Variants in CRYBG3 observed in about 807,000 individuals in gnomAD.
CRYBG3 encodes the protein crystallin beta-gamma domain containing 3.
Under a neutral mutation model 244.2 loss-of-function variants are expected in CRYBG3, and 127 were observed. The ratio of observed to expected loss-of-function variants is 0.52; its 90% confidence interval spans 0.45 to 0.60. CRYBG3 has a LOEUF of 0.60. Among genes scored for constraint, CRYBG3 ranks in the 20% least tolerant of loss-of-function variants. CRYBG3 has a pLI of 0.00. For synonymous variants in CRYBG3, 1,132 were observed against 1,195.8 expected (o/e 0.95, Z 1.10); for missense variants, 3,325 against 3,442.5 (o/e 0.97, Z 0.85).
At chr3:97,895,869 C>A in intron 11 of CRYBG3, 90 bp from the exon 12 acceptor site, 3 of 1,159,654 alleles carry the variant, frequency 2.6e-6, no homozygotes, top group African/African-American at 1.5e-5. Flanking sequence ...TGGAGATGAA[C>A]CACTATGAGC....
In CRYBG3 at chr3:97,933,827, G is replaced by A. The variant is rs2040125984; in HGVS notation, c.8375G>A (p.Ser2792Asn). 8 of 1,612,026 alleles carry A rather than the reference G, an allele frequency of 5.0e-6. No individual in the cohort carries two copies. Among genetic ancestry groups the A allele is most frequent in the Non-Finnish European group, 6.8e-6 (8 of 1,178,720 alleles). ...HFYTQSVWVKSGLWIAYEGSN... is the reference protein window; with the variant it reads ...HFYTQSVWVKNGLWIAYEGSN... ...TACACCCAGTCTGTGTGGGTAAAAA[G>A]TGGACTGTAAGTATGGGAAAAAGGC... The change falls in exon 18 of 22, where the codon AGT becomes AAT. Residue 2792 changes from serine to asparagine, a missense_variant. Ser to Asn is a conservative substitution (Grantham distance 46, BLOSUM62 1). Coordinates refer to ENST00000389622, the MANE Select transcript of CRYBG3 (RefSeq NM_153605.4).
chr3:97,876,220 GA>G lies in CRYBG3; in HGVS notation c.5028del (p.Asp1678IlefsTer8). 8.1e-7 allele frequency: 1 copy of G among 1,232,090 alleles called. No individual in the cohort carries two copies. Among genetic ancestry groups the G allele is most frequent in the Admixed American group, 4.2e-5 (1 of 23,716 alleles). The allele number at this position is 1,232,090 out of a possible 1,614,324, so 76.3% of individuals were successfully genotyped here. ...DMENIYQTHAEGDIGKTGTIA... is the reference protein window; with the variant it reads ...DMENIYQTHAXGDIGKTGTIA... ...GGAAAATATTTACCAAACGCATGCTGAAGGGGATATTGGCAAGACTGGGACG... is the reference window on the plus strand; with the variant it reads ...GGAAAATATTTACCAAACGCATGCTGAGGGGATATTGGCAAGACTGGGACG... On this transcript the variant is annotated frameshift_variant, in exon 4 of 22. Coordinates refer to ENST00000389622, the MANE Select transcript of CRYBG3 (RefSeq NM_153605.4). LOFTEE classifies it high-confidence loss of function.
chr3:97,876,511 T>G lies in CRYBG3; in HGVS notation c.5317T>G (p.Phe1773Val). 1 of 1,232,068 alleles carries G rather than the reference T, an allele frequency of 8.1e-7. No homozygotes were observed. Among genetic ancestry groups the G allele is most frequent in the Non-Finnish European group, 1.0e-6 (1 of 987,972 alleles). 76.3% of individuals were successfully genotyped at this position (1,232,068 alleles called of 1,614,324 possible). ...VNTYQKNAKG[F>V]TGNTEGSVLK... ...TACTTACCAAAAAAATGCCAAAGGT[T>G]TTACCGGGAACACTGAAGGGTCTGT... The change falls in exon 4 of 22, where the codon TTT (phenylalanine) becomes GTT (valine). Residue 1773 changes from phenylalanine (F) to valine (V), a missense_variant. Phe to Val is a conservative substitution (Grantham distance 50). Transcript: ENST00000389622.
intron 1 of CRYBG3, among the ~76,000 whole-genome samples, chr3:97,826,265 A>AT (rs1285892316): frequency 6.6e-6 from 1 of 152,086 alleles, no homozygotes; most frequent in Non-Finnish European, 1.5e-5. Context: ...TGGGAATTCT[A>AT]TTTTTTGCTG....
At chr3:97,943,147 A>G in intron 21 of CRYBG3, 79 bp from the exon 22 acceptor site, 1 of 781,216 alleles carries the variant, frequency 1.3e-6, no homozygotes, top group East Asian at 2.6e-5. Flanking sequence ...GGTGAGCTGA[A>G]CAGAAGCTTG....
Position 97,873,391 on chromosome 3 carries a change from AAAG to A in CRYBG3, c.2201_2203del (p.Glu734del). On this transcript the variant is annotated inframe_deletion, in exon 4 of 22. Transcript: ENST00000389622. The stretch of plus-strand genomic sequence containing the variant: ...ATATACATCTGCAATTTTTGAATTC[AAAG>A]AAGTTCTTTCTAATAGTGAAAAATG... 6.5e-7 allele frequency: 1 copy of A among 1,535,834 alleles called. No individual in the cohort carries two copies. The highest frequency in any genetic ancestry group is 2.0e-5 in the Admixed American group (1 of 50,966).
rs780640303 is a variant in CRYBG3 at position 97,878,002 on chromosome 3, C to G, written c.6808C>G (p.Gln2270Glu). ...ACCAGTGTCAAAATATTTCCGTGTT[C>G]AAGACAGCCCAGGCAGATTGAGCCC... is the stretch of plus-strand genomic sequence containing the variant. Reference protein sequence around the residue: ...QEPVSKYFRVQDSPGRLSPFI... With the variant: ...QEPVSKYFRVEDSPGRLSPFI... Residue 2270 changes from glutamine to glutamate, a missense_variant, in exon 4 of 22, where the codon CAA becomes GAA. Gln to Glu is a conservative substitution (Grantham distance 29, BLOSUM62 2). Coordinates refer to ENST00000389622, the MANE Select transcript of CRYBG3 (RefSeq NM_153605.4). The G allele has an allele frequency of 2.5e-6, 4 of 1,613,576 alleles. No individual in the cohort carries two copies. Among genetic ancestry groups the G allele is most frequent in the Non-Finnish European group, 3.4e-6 (4 of 1,179,872 alleles).
intron 3 of CRYBG3, 35 bp downstream of exon 3, chr3:97,864,682 G>A (rs2039200864): frequency 7.0e-7 from 1 of 1,431,012 alleles, no homozygotes. Flanking sequence ...AAAAAAAATT[G>A]AGCTTTTTGG....
chr3:97,852,465 AT>A (rs2039000029), intron 2 of CRYBG3, among the ~76,000 whole-genome samples: 1 of 152,134 alleles, frequency 6.6e-6, no homozygotes, highest in African/African-American at 2.4e-5. Context: ...AGGTAGCCCA[AT>A]TGTCTGGACT....
At chr3:97,828,146 T>C (rs1220023697) in intron 1 of CRYBG3, among the ~76,000 whole-genome samples, 1 of 152,210 alleles carries the variant, frequency 6.6e-6, no homozygotes, top group East Asian at 1.9e-4. Flanking sequence ...TTCTACCTAT[T>C]TGATAAGCAA....
chr3:97,933,845 A>G lies in CRYBG3; in HGVS notation c.8381+12A>G. 3.1e-6 allele frequency: 5 copies of G among 1,606,416 alleles called. No individual in the cohort carries two copies. In the South Asian group the frequency reaches 3.3e-5, roughly 11 times the overall value. Reference sequence around the variant, plus strand: ...GTAAAAAGTGGACTGTAAGTATGGGAAAAAGGCTTGGTCTGGTTCAGTTAC... The same window carrying G: ...GTAAAAAGTGGACTGTAAGTATGGGGAAAAGGCTTGGTCTGGTTCAGTTAC... On this transcript the variant is annotated intron_variant, in intron 18 of 21. Coordinates refer to ENST00000389622, the MANE Select transcript of CRYBG3 (RefSeq NM_153605.4).
intron 17 of CRYBG3, among the ~76,000 whole-genome samples, chr3:97,931,084 T>TA (rs1181842510): frequency 6.6e-6 from 1 of 152,070 alleles, no homozygotes; most frequent in Non-Finnish European, 1.5e-5. Context: ...CATAGGCCAC[T>TA]ACCCCGTTTC....
chr3:97,833,063 A>G (rs2038676671), intron 1 of CRYBG3, among the ~76,000 whole-genome samples: 1 of 152,002 alleles, frequency 6.6e-6, no homozygotes, highest in Non-Finnish European at 1.5e-5. Context: ...TCAGGAAACA[A>G]GAGATACTGG....
At chr3:97,892,745 CTCA>C in intron 10 of CRYBG3, 112 bp from the exon 11 acceptor site, 1 of 549,708 alleles carries the variant, frequency 1.8e-6, no homozygotes, top group Non-Finnish European at 3.0e-6. Context: ...TTGAAATCTC[CTCA>C]TATTAATTAA....
At chr3:97,850,949 T>C (rs765954460) in intron 2 of CRYBG3, among the ~76,000 whole-genome samples, 22 of 151,950 alleles carry the variant, frequency 1.4e-4, no homozygotes, top group Non-Finnish European at 4.4e-5. Flanking sequence ...CTGGCCAACA[T>C]GGTGAAACCC....
chr3:97,900,356 A>G, intron 14 of CRYBG3, 97 bp from the exon 15 acceptor site: 1 of 761,556 alleles, frequency 1.3e-6, no homozygotes, highest in Non-Finnish European at 2.2e-6. Context: ...TCAAAAAAGA[A>G]AAGAAAAAAA....
rs922957749 is a variant in CRYBG3, at chr3:97,877,636, G to A, written c.6442G>A (p.Glu2148Lys). 6.2e-7 allele frequency: 1 copy of A among 1,613,996 alleles called. No homozygotes were observed. ...FDEDDREAAD[E>K]EEEEEEAAVL... ...TGAAGATGACAGAGAGGCAGCTGAT[G>A]AGGAAGAAGAGGAGGAGGAGGCAGC... Residue 2148 changes from glutamate to lysine, a missense_variant, in exon 4 of 22, where the codon GAG becomes AAG. Transcript: ENST00000389622.
At chr3:97,927,664 C>G (rs1468945605) in intron 17 of CRYBG3, among the ~76,000 whole-genome samples, 1 of 151,916 alleles carries the variant, frequency 6.6e-6, no homozygotes, top group Non-Finnish European at 1.5e-5. Flanking sequence ...ACTATGCATT[C>G]AACAAAGGTC....
At chr3:97,848,931 T>C (rs928442900) in intron 2 of CRYBG3, among the ~76,000 whole-genome samples, 10 of 152,258 alleles carry the variant, frequency 6.6e-5, no homozygotes, top group Non-Finnish European at 1.5e-4. Context: ...AGCTTCACAG[T>C]CAGCCACTGT....
Sources: gnomAD v4.1 joint callset for allele counts (sites outside exome capture counted in the v4.1 genomes callset) on GRCh38, gnomAD v4.1.1 for gene constraint, MANE v1.5 for transcripts, NCBI Gene and HGNC (gene_info 2026-07-23, HGNC 2026-07-21) for gene names.